SLC25A30: variants seen among roughly 807,000 people sequenced by gnomAD.
The protein encoded by SLC25A30 is kidney mitochondrial carrier protein 1.
In SLC25A30, 29 loss-of-function variants were observed where a neutral mutation model predicts 42.7. The observed-to-expected ratio is 0.68, with a 90% CI of 0.51 to 0.93. The LOEUF (loss-of-function observed/expected upper bound fraction) is 0.93. Ranked by LOEUF, SLC25A30 falls within the 40% of genes least tolerant of loss-of-function variation. The pLI is 0.00. For synonymous variants in SLC25A30, 124 were observed against 131.0 expected (o/e 0.95, Z 0.37); for missense variants, 300 against 359.7 (o/e 0.83, Z 1.34).
the SLC25A30 span, among the ~76,000 whole-genome samples, chr13:45,425,217 C>T: frequency 3.2e-5 from 3 of 92,576 alleles, no homozygotes; most frequent in South Asian, 6.1e-4. Flanking sequence ...TATATATATA[C>T]GTATGTATAT....
upstream of SLC25A30, among the ~76,000 whole-genome samples, chr13:45,418,953 A>AC: frequency 1.5e-4 from 10 of 64,606 alleles, no homozygotes; most frequent in Non-Finnish European, 2.6e-4. Flanking sequence ...AAAAAAAAAA[A>AC]AAAAAAAAAA....
chr13:45,393,482 C>G lies in SLC25A30; in HGVS notation c.*2492G>C. ...CTAGCACATGAATAAATATAAAGGA[C>G]AGGAGCCACTTTTTATATTATGAAT... On this transcript the variant is annotated 3_prime_UTR_variant, in exon 10 of 10. Transcript: ENST00000519676. 2 of 984,916 alleles carry G rather than the reference C, an allele frequency of 2.0e-6. No individual in the cohort carries two copies. Among genetic ancestry groups the G allele is most frequent in the Non-Finnish European group, 1.2e-6 (1 of 829,546 alleles). The allele number at this position is 984,916 out of a possible 1,614,324, so 61.0% of individuals were successfully genotyped here. A position where few individuals can be genotyped will look rare whatever the true frequency, so the allele number is the denominator to read the frequency against.
At chr13:45,430,081 C>G in the SLC25A30 span, among the ~76,000 whole-genome samples, 1 of 151,520 alleles carries the variant, frequency 6.6e-6, no homozygotes, top group East Asian at 1.9e-4. Flanking sequence ...AGGCAACTGT[C>G]AATTCCAGGA....
rs772886463 is a variant in SLC25A30, at chr13:45,397,005, G to C, written c.834+253C>G. ...AAATCGTAAATACCCTCAGCTTCTA[G>C]AACAGAGTCTAACTAAACCTTTTTA... is the stretch of plus-strand genomic sequence containing the variant. On this transcript the variant is annotated intron_variant, in intron 9 of 9. Transcript: ENST00000519676. 61 of 423,694 alleles carry C rather than the reference G, an allele frequency of 1.4e-4. 3 individuals are homozygous for C. Among genetic ancestry groups the C allele is most frequent in the South Asian group, 9.3e-4 (32 of 34,572 alleles). 26.2% of individuals were successfully genotyped at this position (423,694 alleles called of 1,614,324 possible). A position where few individuals can be genotyped will look rare whatever the true frequency, so the allele number is the denominator to read the frequency against.
At chr13:45,433,264 G>T in the SLC25A30 span, among the ~76,000 whole-genome samples, 1 of 152,084 alleles carries the variant, frequency 6.6e-6, no homozygotes, top group Non-Finnish European at 1.5e-5. Flanking sequence ...AGAATTTGGG[G>T]AACTGTAAGT....
At chr13:45,424,592 T>TATAAAAATATATAA in the SLC25A30 span, among the ~76,000 whole-genome samples, 2 of 69,044 alleles carry the variant, frequency 2.9e-5, no homozygotes, top group African/African-American at 1.1e-4. Flanking sequence ...TATATAAATA[T>TATAAAAATATATAA]ATATAAATAT....
At chr13:45,423,687 T>C in the SLC25A30 span, among the ~76,000 whole-genome samples, 2 of 19,670 alleles carry the variant, frequency 1.0e-4, 1 homozygote, top group African/African-American at 1.0e-3. Flanking sequence ...TTTATATAAA[T>C]ATATATAAAT....
At chr13:45,411,521 A>G in intron 1 of SLC25A30, 41 bp from the exon 2 acceptor site, 1 of 1,263,336 alleles carries the variant, frequency 7.9e-7, no homozygotes, top group Non-Finnish European at 1.1e-6. Context: ...GTAACTTCTC[A>G]CACAGGCAGT....
chr13:45,398,052 A>T, intron 8 of SLC25A30: 1 of 985,432 alleles, frequency 1.0e-6, no homozygotes. Context: ...TCTTTGCTTC[A>T]TTAAGGCAAC....
At chr13:45,422,228 G>A (rs1883907201), upstream of SLC25A30, among the ~76,000 whole-genome samples, 1 of 152,190 alleles carries the variant, frequency 6.6e-6, no homozygotes, top group Admixed American at 6.5e-5. Flanking sequence ...AGATAATATG[G>A]ACCTGCGTCT....
At chr13:45,403,312 A>G (rs562206298) in intron 5 of SLC25A30, among the ~76,000 whole-genome samples, 2 of 152,288 alleles carry the variant, frequency 1.3e-5, no homozygotes, top group South Asian at 2.1e-4. Flanking sequence ...AGAATCCCCT[A>G]TTAGATTGAA....
chr13:45,396,842 C>T, intron 9 of SLC25A30: 2 of 173,448 alleles, frequency 1.2e-5, no homozygotes, highest in Admixed American at 6.3e-5. Context: ...AGCGTGCTGG[C>T]CTGCCAAACA....
At chr13:45,426,120 C>G in the SLC25A30 span, among the ~76,000 whole-genome samples, 1 of 150,898 alleles carries the variant, frequency 6.6e-6, no homozygotes, top group Non-Finnish European at 1.5e-5. Context: ...TGGAGTCTTA[C>G]TCTGTCACCA....
intron 2 of SLC25A30, among the ~76,000 whole-genome samples, chr13:45,410,947 CTTTTT>C (rs1031830098): frequency 6.6e-6 from 1 of 151,934 alleles, no homozygotes; most frequent in African/African-American, 2.4e-5. Flanking sequence ...AGAAAACTTT[CTTTTT>C]TTTGAGACTG....
chr13:45,400,001 G>T, intron 7 of SLC25A30, among the ~76,000 whole-genome samples: 2 of 72,806 alleles, frequency 2.7e-5, no homozygotes, highest in East Asian at 2.9e-4. Flanking sequence ...GCCCACCAAT[G>T]GATTATGTAT....
the SLC25A30 span, among the ~76,000 whole-genome samples, chr13:45,424,163 A>G: frequency 1.0e-5 from 1 of 100,034 alleles, no homozygotes; most frequent in African/African-American, 4.2e-5. Context: ...ATATATAGAA[A>G]TATATCAATA....
the SLC25A30 span, among the ~76,000 whole-genome samples, chr13:45,424,209 G>A: frequency 2.1e-5 from 1 of 46,788 alleles, no homozygotes; most frequent in South Asian, 7.6e-4. Flanking sequence ...ATACATATAT[G>A]TGTAAATATA....
At chr13:45,422,499 T>A (rs1439046535), upstream of SLC25A30, among the ~76,000 whole-genome samples, 1 of 152,154 alleles carries the variant, frequency 6.6e-6, no homozygotes, top group Non-Finnish European at 1.5e-5. Context: ...ATCATTATAT[T>A]TTATTGCAGC....
chr13:45,402,733 CTAAT>C, intron 5 of SLC25A30: 1 of 974,978 alleles, frequency 1.0e-6, no homozygotes. Context: ...AAGGTTTAAT[CTAAT>C]TAATGAGTTA....
Sources: gnomAD v4.1 joint callset for allele counts (sites outside exome capture counted in the v4.1 genomes callset) on GRCh38, gnomAD v4.1.1 for gene constraint, MANE v1.5 for transcripts, NCBI Gene and HGNC (gene_info 2026-07-23, HGNC 2026-07-21) for gene names.